The following MCUB variants were observed in gnomAD, a reference collection of about 807,000 sequenced individuals.
MCUB encodes mitochondrial calcium uniporter dominant negative subunit beta.
A neutral mutation model predicts 41.4 loss-of-function variants in MCUB; 46 were observed. That is an observed-to-expected ratio of 1.11 (90% confidence interval 0.88 to 1.42). The LOEUF (loss-of-function observed/expected upper bound fraction) is 1.42. Ranked by LOEUF, MCUB falls within the 40% of genes most tolerant of loss-of-function variation. The probability of loss-of-function intolerance (pLI) is 0.00; values close to 1 mark genes in which losing one functional copy is unlikely to be tolerated. For missense variants in MCUB, 403 were observed against 404.9 expected (o/e 1.00, Z 0.04); for synonymous variants, 148 against 148.2 (o/e 1.00, Z 0.01).
In MCUB at chr4:109,618,033, A is replaced by G. The variant is rs540768148; in HGVS notation, c.100-40978A>G. On this transcript the variant is annotated intron_variant, in intron 1 of 7. Coordinates refer to ENST00000394650, the MANE Select transcript of MCUB (RefSeq NM_017918.5). ...TTGCCCACCTCTGATTTCATTTGTA[A>G]CTGGTGGATAGTTTCTTACAAATTC... Among the ~76,000 whole-genome samples the G allele has an allele frequency of 2.1e-4, 32 of 152,208 alleles. No homozygotes were observed. The South Asian group carries it at 6.0e-3, about 29-fold the overall frequency.
At chr4:109,563,141 A>G (rs574401600) in intron 1 of MCUB, among the ~76,000 whole-genome samples, 1 of 152,220 alleles carries the variant, frequency 6.6e-6, no homozygotes, top group Non-Finnish European at 1.5e-5. Flanking sequence ...GGTGAGTTAC[A>G]TCTGAACAGA....
intron 7 of MCUB, 78 bp downstream of exon 7, chr4:109,685,445 A>G: frequency 1.6e-6 from 1 of 634,034 alleles, no homozygotes; most frequent in South Asian, 2.1e-5. Context: ...CTGGTGGCTC[A>G]TCCTCACAAA....
chr4:109,653,418 A>G (rs1261595770), intron 1 of MCUB, among the ~76,000 whole-genome samples: 3 of 151,606 alleles, frequency 2.0e-5, no homozygotes, highest in Non-Finnish European at 4.4e-5. Context: ...AATGTTTTCC[A>G]GAATAGTTTT....
At chr4:109,582,137 T>A (rs1382165093) in intron 1 of MCUB, among the ~76,000 whole-genome samples, 5 of 151,952 alleles carry the variant, frequency 3.3e-5, no homozygotes, top group African/African-American at 9.7e-5. Flanking sequence ...CAAATGTCCA[T>A]CAATGATAGA....
intron 1 of MCUB, among the ~76,000 whole-genome samples, chr4:109,644,338 A>G (rs1208196124): frequency 2.0e-5 from 3 of 152,206 alleles, no homozygotes; most frequent in South Asian, 2.1e-4. Context: ...AGCAGCCACA[A>G]TCCCACTAAC....
At chr4:109,673,167 T>C (rs1729496804) in intron 4 of MCUB, among the ~76,000 whole-genome samples, 2 of 152,178 alleles carry the variant, frequency 1.3e-5, no homozygotes, top group Admixed American at 6.5e-5. Context: ...TGTTAAGATA[T>C]TATACAACTT....
At chr4:109,673,027 T>G (rs1469162317) in intron 4 of MCUB, among the ~76,000 whole-genome samples, 1 of 152,178 alleles carries the variant, frequency 6.6e-6, no homozygotes, top group Non-Finnish European at 1.5e-5. Flanking sequence ...AAAAAGAAAT[T>G]AAAATGAATC....
At chr4:109,617,020 T>C (rs1460148304) in intron 1 of MCUB, among the ~76,000 whole-genome samples, 2 of 150,936 alleles carry the variant, frequency 1.3e-5, no homozygotes, top group Admixed American at 1.3e-4. Context: ...CACCATTCTT[T>C]GCACCTCTAG....
intron 3 of MCUB, among the ~76,000 whole-genome samples, chr4:109,663,554 C>T (rs1729272376): frequency 6.6e-6 from 1 of 151,964 alleles, no homozygotes; most frequent in African/African-American, 2.4e-5. Context: ...TTGTCCTCAC[C>T]TCCTTGACAG....
Position 109,664,408 on chromosome 4 carries a change from C to CTA in MCUB, c.451+16_451+17dup, listed in dbSNP as rs753109896. The CTA allele has an allele frequency of 1.4e-5, 14 of 969,530 alleles. No homozygotes were observed. The Admixed American group carries it at 2.9e-4, about 20-fold the overall frequency. The allele number at this position is 969,530 out of a possible 1,614,324, so 60.1% of individuals were successfully genotyped here. On this transcript the variant is annotated intron_variant, in intron 4 of 7. Transcript: ENST00000394650. Reference sequence around the variant, plus strand: ...GTCCAAAGAGAGGTAAGAAACACAGCTATCCAACTATTACTTTTTTTTTTT... The same window carrying CTA: ...GTCCAAAGAGAGGTAAGAAACACAGCTATATCCAACTATTACTTTTTTTTTTT...
intron 7 of MCUB, among the ~76,000 whole-genome samples, chr4:109,687,123 G>A (rs1165034128): frequency 6.6e-6 from 1 of 151,982 alleles, no homozygotes; most frequent in African/African-American, 2.4e-5. Context: ...GGGAAGCCAA[G>A]GTGGGCAAAT....
intron 1 of MCUB, among the ~76,000 whole-genome samples, chr4:109,638,834 ACTTT>A (rs1003278703): frequency 1.3e-5 from 2 of 152,126 alleles, no homozygotes; most frequent in African/African-American, 4.8e-5. Context: ...TCAAGAAACC[ACTTT>A]CTTTGCTCAG....
At position 109,685,335 on chromosome 4, in the gene MCUB, C is replaced by T. The variant is rs1561253829; in HGVS notation, c.901C>T (p.Gln301Ter). The change falls in exon 7 of 8, where the codon CAA becomes TAA. Residue 301 changes from glutamine to a stop codon, truncating the protein, a stop_gained. Transcript: ENST00000394650. LOFTEE classifies it low-confidence loss of function (END_TRUNC). ...KSKQQHFDVQQYNKLKEDLAK... is the reference protein window; with the variant it reads ...KSKQQHFDVQ ...AAAGCAACAGCACTTTGATGTGCAG[C>T]AATACAACAAGTTAAAAGAAGACCT... 6.4e-7 allele frequency: 1 copy of T among 1,568,390 alleles called. No homozygotes were observed. Among genetic ancestry groups the T allele is most frequent in the East Asian group, 2.2e-5 (1 of 44,626 alleles).
chr4:109,600,215 A>G (rs1727698214), intron 1 of MCUB, among the ~76,000 whole-genome samples: 2 of 152,096 alleles, frequency 1.3e-5, no homozygotes, highest in Non-Finnish European at 2.9e-5. Context: ...TTCTGCCACT[A>G]CCTGTACTAC....
chr4:109,585,105 A>G (rs1006733584), intron 1 of MCUB, among the ~76,000 whole-genome samples: 5 of 151,790 alleles, frequency 3.3e-5, no homozygotes, highest in South Asian at 2.1e-4. Flanking sequence ...GGTCTCTAAG[A>G]ACTTGCTTTA....
rs570497989 is a variant in MCUB at position 109,667,799 on chromosome 4, C to T, written c.451+3405C>T. Among the ~76,000 whole-genome samples the T allele has an allele frequency of 3.4e-3, 519 of 151,200 alleles. 2 individuals carry two copies. The highest frequency in any genetic ancestry group is 6.8e-3 in the Middle Eastern group (2 of 294). On this transcript the variant is annotated intron_variant, in intron 4 of 7. Coordinates refer to ENST00000394650, the MANE Select transcript of MCUB (RefSeq NM_017918.5). ...TTATATGTATTCAATCCTATAGATT[C>T]CCCTCTGAGCATTGCTTTCACTGCC...
intron 2 of MCUB, among the ~76,000 whole-genome samples, chr4:109,659,841 A>G (rs1729188631): frequency 6.6e-6 from 1 of 152,102 alleles, no homozygotes; most frequent in South Asian, 2.1e-4. Context: ...TATATTTTGT[A>G]GAGATGGGGT....
chr4:109,680,719 C>T (rs988991512), intron 4 of MCUB, among the ~76,000 whole-genome samples: 4 of 152,180 alleles, frequency 2.6e-5, no homozygotes, highest in African/African-American at 9.7e-5. Context: ...AGAAAAATAA[C>T]TTCAGGACTA....
rs141662623 is a variant in MCUB, at chr4:109,612,974, C to T, written c.100-46037C>T. 2.2e-3 allele frequency among the ~76,000 whole-genome samples: 333 copies of T among 152,068 alleles called. 10 individuals are homozygous for T. The East Asian group carries it at 0.033, about 15-fold the overall frequency. On this transcript the variant is annotated intron_variant, in intron 1 of 7. Coordinates refer to ENST00000394650, the MANE Select transcript of MCUB (RefSeq NM_017918.5). The stretch of plus-strand genomic sequence containing the variant: ...ATAAAAAATTAGCTGGGTGTGGTGG[C>T]GGGCGTCTGTAGTCCCAGCTACTCG...
Sources: allele counts gnomAD v4.1 joint callset (sites outside exome capture counted in the v4.1 genomes callset), GRCh38; gene constraint gnomAD v4.1.1; transcripts MANE v1.5; gene names NCBI Gene and HGNC (gene_info 2026-07-23, HGNC 2026-07-21).